GRM7: variants seen among roughly 807,000 people sequenced by gnomAD.
GRM7 encodes glutamate metabotropic receptor 7.
GRM7 carries 35 observed loss-of-function variants against 84.5 expected under a neutral mutation model. The observed-to-expected ratio is 0.41, with a 90% confidence interval of 0.32 to 0.55. GRM7 has a LOEUF of 0.55. Among genes scored for constraint, GRM7 ranks in the 20% least tolerant of loss-of-function variants. GRM7 has a pLI of 0.19. For missense variants in GRM7, 1,003 were observed against 1,194.6 expected, an observed-to-expected ratio of 0.84 and a Z score of 2.36; for synonymous variants, 487 against 455.1, an observed-to-expected ratio of 1.07 and a Z score of -0.89.
intron 2 of GRM7, among the ~76,000 whole-genome samples, chr3:7,240,126 T>TG (rs1321929004): frequency 1.9e-4 from 25 of 133,068 alleles, no homozygotes; most frequent in Admixed American, 1.3e-3. Flanking sequence ...TGAGGTTTTT[T>TG]TTTTTTTTTT....
intron 6 of GRM7, among the ~76,000 whole-genome samples, chr3:7,458,183 C>G (rs1698098658): frequency 6.6e-6 from 1 of 152,146 alleles, no homozygotes; most frequent in South Asian, 2.1e-4. Flanking sequence ...ATACTCTCAT[C>G]CAGTAGGGGA....
chr3:7,070,553 G>A (rs961701747), intron 1 of GRM7, among the ~76,000 whole-genome samples: 11 of 152,000 alleles, frequency 7.2e-5, no homozygotes, highest in African/African-American at 2.2e-4. Context: ...TATTGTTCAC[G>A]TAGGATTTGT....
chr3:7,444,605 T>C (rs1333933017), intron 5 of GRM7, among the ~76,000 whole-genome samples: 1 of 152,180 alleles, frequency 6.6e-6, no homozygotes, highest in Non-Finnish European at 1.5e-5. Flanking sequence ...TCAGGACACC[T>C]TTCACATGTT....
intron 9 of GRM7, among the ~76,000 whole-genome samples, chr3:7,701,369 C>T (rs1176922184): frequency 2.1e-5 from 3 of 144,978 alleles, no homozygotes; most frequent in Admixed American, 7.2e-5. Flanking sequence ...GGCACGATCT[C>T]GGCTCACTAC....
At chr3:7,381,051 A>G (rs1431176056) in intron 4 of GRM7, among the ~76,000 whole-genome samples, 1 of 152,172 alleles carries the variant, frequency 6.6e-6, no homozygotes, top group East Asian at 1.9e-4. Context: ...AAGCAGAAGA[A>G]ATTTATCATT....
intron 1 of GRM7, among the ~76,000 whole-genome samples, chr3:6,935,528 T>A (rs1559338109): frequency 6.6e-6 from 1 of 151,956 alleles, no homozygotes. Context: ...AGGTCTAAAT[T>A]CACCCTTTTT....
chr3:6,919,241 C>T (rs1444060118), intron 1 of GRM7, among the ~76,000 whole-genome samples: 1 of 151,966 alleles, frequency 6.6e-6, no homozygotes, highest in African/African-American at 2.4e-5. Flanking sequence ...CTCTGTCACC[C>T]TGGCTGGAGT....
intron 7 of GRM7, among the ~76,000 whole-genome samples, chr3:7,541,983 A>G (rs1692906757): frequency 6.6e-6 from 1 of 152,142 alleles, no homozygotes; most frequent in South Asian, 2.1e-4. Context: ...TCTCTGGCTC[A>G]CAGCTGCATC....
chr3:7,051,382 G>T (rs144658552), intron 1 of GRM7, among the ~76,000 whole-genome samples: 2 of 151,632 alleles, frequency 1.3e-5, no homozygotes, highest in East Asian at 3.9e-4. Flanking sequence ...GGACAGCAGA[G>T]TTCCTAACAA....
chr3:7,250,123 G>C (rs1345867652), intron 2 of GRM7, among the ~76,000 whole-genome samples: 1 of 152,168 alleles, frequency 6.6e-6, no homozygotes, highest in East Asian at 1.9e-4. Flanking sequence ...AGAAAGAGAA[G>C]AGTGGATATT....
At chr3:7,311,941 G>A (rs928909742) in intron 4 of GRM7, among the ~76,000 whole-genome samples, 2 of 152,120 alleles carry the variant, frequency 1.3e-5, no homozygotes, top group African/African-American at 4.8e-5. Context: ...AAAGAGAGTG[G>A]TAGATTCACA....
At chr3:7,381,860 AT>A (rs1044769124) in intron 4 of GRM7, among the ~76,000 whole-genome samples, 4 of 152,190 alleles carry the variant, frequency 2.6e-5, no homozygotes, top group Non-Finnish European at 5.9e-5. Context: ...TTGAAGGCAC[AT>A]TTAAGGTTAC....
chr3:7,563,601 G>T (rs1159086252), intron 7 of GRM7, among the ~76,000 whole-genome samples: 2 of 152,116 alleles, frequency 1.3e-5, no homozygotes, highest in African/African-American at 4.8e-5. Flanking sequence ...CAGCCGAAAG[G>T]TTAAGTGTAA....
chr3:7,634,650 C>T (rs1320551805), intron 8 of GRM7, among the ~76,000 whole-genome samples: 1 of 151,660 alleles, frequency 6.6e-6, no homozygotes, highest in Non-Finnish European at 1.5e-5. Flanking sequence ...TAAAATTAGC[C>T]GGGCGTGGCG....
chr3:7,269,505 A>C (rs1698775249), intron 2 of GRM7, among the ~76,000 whole-genome samples: 2 of 152,154 alleles, frequency 1.3e-5, no homozygotes, highest in Admixed American at 1.3e-4. Context: ...TTAATTTTTC[A>C]GAGCTCCCCT....
At chr3:7,115,873 G>C (rs1468777345) in intron 1 of GRM7, among the ~76,000 whole-genome samples, 2 of 152,196 alleles carry the variant, frequency 1.3e-5, no homozygotes, top group East Asian at 3.9e-4. Flanking sequence ...AACAGTCTAG[G>C]TTTCACAAAT....
At chr3:7,450,484 C>T (rs1697720774) in intron 5 of GRM7, among the ~76,000 whole-genome samples, 1 of 152,142 alleles carries the variant, frequency 6.6e-6, no homozygotes, top group Admixed American at 6.6e-5. Flanking sequence ...CAGGCATATG[C>T]AGAAGGCTGT....
rs200016570 is a variant in GRM7 at position 7,306,267 on chromosome 3, TTTTTATC to T, written c.879-225_879-219del. On this transcript the variant is annotated intron_variant, in intron 3 of 9. Coordinates refer to ENST00000357716, the MANE Select transcript of GRM7 (RefSeq NM_000844.4). Reference sequence around the variant, plus strand: ...ACCTTATTGGACATTTGTATTTATCTTTTTATCTTTTAACAATTACTATTACTTGCTC... The same window carrying T: ...ACCTTATTGGACATTTGTATTTATCTTTTTAACAATTACTATTACTTGCTC... 3.4e-4 allele frequency among the ~76,000 whole-genome samples: 52 copies of T among 152,338 alleles called. No homozygotes were observed. In the East Asian group the frequency reaches 9.8e-3, roughly 29 times the overall value.
chr3:6,984,905 G>A (rs932452896), intron 1 of GRM7, among the ~76,000 whole-genome samples: 5 of 152,156 alleles, frequency 3.3e-5, no homozygotes, highest in Admixed American at 2.0e-4. Context: ...TGGGATATGC[G>A]TGTGCCAAAA....
Sources: gnomAD v4.1 joint callset for allele counts (sites outside exome capture counted in the v4.1 genomes callset) on GRCh38, gnomAD v4.1.1 for gene constraint, MANE v1.5 for transcripts, NCBI Gene and HGNC (gene_info 2026-07-23, HGNC 2026-07-21) for gene names.